SPOCK1: variants seen among roughly 807,000 people sequenced by gnomAD.
SPOCK1 encodes the protein SPARC (osteonectin), cwcv and kazal like domains proteoglycan 1.
Under a neutral mutation model 55.3 loss-of-function variants are expected in SPOCK1, and 23 were observed. That is an observed-to-expected ratio of 0.42 (90% CI 0.30 to 0.59). The LOEUF is 0.59. Ranked by LOEUF, SPOCK1 falls within the 20% of genes least tolerant of loss-of-function variation. The probability of loss-of-function intolerance (pLI) is 0.22; values close to 1 mark genes in which losing one functional copy is unlikely to be tolerated. For synonymous variants in SPOCK1, 226 were observed against 221.0 expected (o/e 1.02, Z -0.20); for missense variants, 499 against 552.5 (o/e 0.90, Z 0.97).
intron 2 of SPOCK1, among the ~76,000 whole-genome samples, chr5:137,281,581 G>T (rs1427724453): frequency 6.6e-6 from 1 of 152,210 alleles, no homozygotes; most frequent in African/African-American, 2.4e-5. Flanking sequence ...ATAGCCCATG[G>T]CCCATGCCAG....
At chr5:137,318,325 T>C (rs1015407287) in intron 2 of SPOCK1, among the ~76,000 whole-genome samples, 13 of 152,172 alleles carry the variant, frequency 8.5e-5, no homozygotes, top group African/African-American at 2.4e-4. Flanking sequence ...CTCATTTAAA[T>C]TGGTAGCTGT....
intron 5 of SPOCK1, among the ~76,000 whole-genome samples, chr5:137,072,011 A>T (rs1174854775): frequency 6.6e-6 from 1 of 152,238 alleles, no homozygotes; most frequent in African/African-American, 2.4e-5. Flanking sequence ...TTTTAAAAAG[A>T]GAGAGACTCT....
At chr5:137,237,255 C>T (rs891221238) in intron 3 of SPOCK1, among the ~76,000 whole-genome samples, 1 of 152,166 alleles carries the variant, frequency 6.6e-6, no homozygotes, top group African/African-American at 2.4e-5. Context: ...CATGAGCTCC[C>T]ATTCCCAGCA....
chr5:136,976,590 G>A lies in SPOCK1; in HGVS notation c.*2064C>T, dbSNP rs764590644. The stretch of plus-strand genomic sequence containing the variant: ...ATCTAAAGTGAGATTTTACAATGTC[G>A]TGATTTTTAATATACTTCATAGTAA... On this transcript the variant is annotated 3_prime_UTR_variant, in exon 11 of 11. Transcript: ENST00000394945. The A allele has an allele frequency of 3.9e-5, 6 of 152,508 alleles. No individual in the cohort carries two copies. The highest frequency in any genetic ancestry group is 9.7e-5 in the African/African-American group (4 of 41,390). 9.4% of individuals were successfully genotyped at this position (152,508 alleles called of 1,614,324 possible).
intron 3 of SPOCK1, among the ~76,000 whole-genome samples, chr5:137,231,215 T>A (rs569603654): frequency 7.2e-5 from 11 of 152,302 alleles, no homozygotes; most frequent in Non-Finnish European, 1.2e-4. Context: ...CAGCTAATTT[T>A]TGTATTTTTA....
chr5:137,484,718 A>G (rs930762817), intron 2 of SPOCK1, among the ~76,000 whole-genome samples: 1 of 152,228 alleles, frequency 6.6e-6, no homozygotes, highest in African/African-American at 2.4e-5. Flanking sequence ...TTGTAAATGT[A>G]GAAAGACTCA....
chr5:137,204,326 C>T lies in SPOCK1; in HGVS notation c.232+62684G>A, dbSNP rs1484000529. Among the ~76,000 whole-genome samples, 3 of 152,154 alleles carry T rather than the reference C, an allele frequency of 2.0e-5. No individual in the cohort carries two copies. The East Asian group carries it at 5.8e-4, about 29-fold the overall frequency. ...TTTTGTAAACCTGATGGAACAAAACCTAAAATGCTTCATGCATCCCCACTC... is the reference window on the plus strand; with the variant it reads ...TTTTGTAAACCTGATGGAACAAAACTTAAAATGCTTCATGCATCCCCACTC... On this transcript the variant is annotated intron_variant, in intron 3 of 10. Transcript: ENST00000394945.
intron 4 of SPOCK1, among the ~76,000 whole-genome samples, chr5:137,129,741 T>C (rs886568812): frequency 4.6e-5 from 7 of 152,092 alleles, no homozygotes; most frequent in African/African-American, 1.4e-4. Flanking sequence ...ATAGGAGCAA[T>C]AGATAGAATA....
intron 2 of SPOCK1, among the ~76,000 whole-genome samples, chr5:137,269,906 C>A (rs938401116): frequency 3.1e-4 from 47 of 151,994 alleles, no homozygotes; most frequent in African/African-American, 1.1e-3. Context: ...GGTGGCAGAG[C>A]CAGGCTTTTA....
intron 6 of SPOCK1, among the ~76,000 whole-genome samples, chr5:137,016,769 CA>C (rs762710753): frequency 6.6e-5 from 10 of 152,324 alleles, no homozygotes; most frequent in Non-Finnish European, 1.0e-4. Context: ...TGTCTAGGAC[CA>C]AAACTATTTG....
intron 6 of SPOCK1, among the ~76,000 whole-genome samples, chr5:137,024,193 T>C (rs770372158): frequency 2.0e-5 from 3 of 151,656 alleles, no homozygotes; most frequent in Non-Finnish European, 4.4e-5. Flanking sequence ...ACTGCTACTC[T>C]GATAAGGTTA....
At chr5:136,979,959 T>G (rs986823776) in intron 9 of SPOCK1, among the ~76,000 whole-genome samples, 4 of 152,214 alleles carry the variant, frequency 2.6e-5, no homozygotes, top group African/African-American at 9.6e-5. Context: ...TATAAAACTT[T>G]CTATACGCAT....
chr5:137,487,060 AG>A (rs1370593096), intron 2 of SPOCK1, among the ~76,000 whole-genome samples: 2 of 152,230 alleles, frequency 1.3e-5, no homozygotes, highest in Non-Finnish European at 2.9e-5. Flanking sequence ...AACAATGGAA[AG>A]ACCTCCAAAT....
chr5:137,327,281 C>G (rs930017694), intron 2 of SPOCK1, among the ~76,000 whole-genome samples: 2 of 152,172 alleles, frequency 1.3e-5, no homozygotes, highest in Non-Finnish European at 1.5e-5. Context: ...TAGTTATTAT[C>G]ATTGGGTATA....
At chr5:137,286,611 C>A (rs1313767046) in intron 2 of SPOCK1, among the ~76,000 whole-genome samples, 2 of 152,138 alleles carry the variant, frequency 1.3e-5, no homozygotes, top group African/African-American at 2.4e-5. Flanking sequence ...GAGGGAGGAC[C>A]AGCCTCACCA....
In SPOCK1 at chr5:137,378,747, G is replaced by A. The variant is rs529216241; in HGVS notation, c.187-111692C>T. On this transcript the variant is annotated intron_variant, in intron 2 of 10. Transcript: ENST00000394945. ...GGGCTTGGCGCCTGAGGCAAAGGCT[G>A]TTTTATATAGACTAGCTAGCAACAG... Among the ~76,000 whole-genome samples the A allele has an allele frequency of 3.0e-4, 46 of 152,338 alleles. 1 individual carries two copies. In the South Asian group the frequency reaches 9.3e-3, roughly 31 times the overall value.
At chr5:137,205,643 T>C (rs2127078657) in intron 3 of SPOCK1, among the ~76,000 whole-genome samples, 1 of 152,324 alleles carries the variant, frequency 6.6e-6, no homozygotes, top group South Asian at 2.1e-4. Flanking sequence ...ACATGCCTCT[T>C]GGACTCAGTT....
At chr5:137,428,376 C>T (rs17654439) in intron 2 of SPOCK1, among the ~76,000 whole-genome samples, 5,350 of 152,260 alleles carry the variant, frequency 0.035, 140 homozygotes, top group Middle Eastern at 0.051. Context: ...AAGCCCAGTT[C>T]AGAGGCAATC....
At chr5:137,132,783 CTTTT>C (rs951883052) in intron 4 of SPOCK1, among the ~76,000 whole-genome samples, 1 of 152,140 alleles carries the variant, frequency 6.6e-6, no homozygotes, top group African/African-American at 2.4e-5. Flanking sequence ...TCTGGAAGCG[CTTTT>C]TTTGTTGTTT....
Sources: gnomAD v4.1 joint callset for allele counts (sites outside exome capture counted in the v4.1 genomes callset) on GRCh38, gnomAD v4.1.1 for gene constraint, MANE v1.5 for transcripts, NCBI Gene and HGNC (gene_info 2026-07-23, HGNC 2026-07-21) for gene names.